The following ARHGAP32 variants were observed in gnomAD, a reference collection of about 807,000 sequenced individuals.
ARHGAP32 encodes rho GTPase-activating protein 32.
ARHGAP32 carries 51 observed loss-of-function variants against 186.5 expected under a neutral mutation model. The ratio of observed to expected loss-of-function variants is 0.27; its 90% confidence interval spans 0.22 to 0.35. ARHGAP32 has a LOEUF of 0.35. Ranked by LOEUF, ARHGAP32 falls within the 10% of genes least tolerant of loss-of-function variation. ARHGAP32 has a pLI of 1.00. For synonymous variants in ARHGAP32, 950 were observed against 964.3 expected (o/e 0.99, Z 0.27); for missense variants, 2,186 against 2,623.5 (o/e 0.83, Z 3.64).
intron 11 of ARHGAP32, among the ~76,000 whole-genome samples, chr11:128,998,709 A>G (rs1946266675): frequency 6.6e-6 from 1 of 152,246 alleles, no homozygotes; most frequent in Non-Finnish European, 1.5e-5. Context: ...GACTGGCTGA[A>G]GCCATGGCAG....
Position 128,969,043 on chromosome 11 carries a change from C to G in ARHGAP32, c.6170G>C (p.Gly2057Ala), listed in dbSNP as rs759183879. The G allele has an allele frequency of 6.2e-7, 1 of 1,612,164 alleles. No homozygotes were observed. The highest frequency in any genetic ancestry group is 1.7e-5 in the Admixed American group (1 of 59,896). ...AGGGGGCACATACGTCCCCATGCCG[C>G]CCCCTCCAAAGACTCCTCGCTGGTG... ...PQHQRGVFGGGGMGTYVPPGF... is the reference protein window; with the variant it reads ...PQHQRGVFGGAGMGTYVPPGF... The change falls in exon 23 of 23, where the codon GGC becomes GCC. Residue 2057 changes from glycine to alanine, a missense_variant. Gly to Ala is a moderately conservative substitution (Grantham distance 60). Transcript: ENST00000682385. The surrounding 1 kb of genome is among the most constrained non-coding windows in gnomAD (Gnocchi z 4.8).
At chr11:129,111,013 A>G (rs1942197735) in intron 5 of ARHGAP32, among the ~76,000 whole-genome samples, 1 of 152,172 alleles carries the variant, frequency 6.6e-6, no homozygotes, top group Non-Finnish European at 1.5e-5. Flanking sequence ...CAGTTCTTAG[A>G]GGAAAGGCTT....
chr11:129,239,833 A>C (rs943370069), intron 1 of ARHGAP32, among the ~76,000 whole-genome samples: 2 of 152,146 alleles, frequency 1.3e-5, no homozygotes, highest in African/African-American at 4.8e-5. Flanking sequence ...TGCCACTCTC[A>C]GTTAAATTTT....
At chr11:129,071,197 G>C (rs1010532039) in intron 6 of ARHGAP32, among the ~76,000 whole-genome samples, 2 of 151,860 alleles carry the variant, frequency 1.3e-5, no homozygotes, top group Middle Eastern at 3.2e-3. Context: ...AGATCTCAAA[G>C]AGAAATTAGT....
At position 129,077,845 on chromosome 11, in the gene ARHGAP32, G is replaced by A. The variant is rs577366672; in HGVS notation, c.532-10977C>T. The stretch of plus-strand genomic sequence containing the variant: ...TACCACAGCTGATGCTCTTCAAAGC[G>A]CCACCGCCTGGCTGGAAGCAAACCA... On this transcript the variant is annotated intron_variant, in intron 6 of 22. Coordinates refer to ENST00000682385, the MANE Select transcript of ARHGAP32 (RefSeq NM_001378024.1). Among the ~76,000 whole-genome samples, 4 of 152,136 alleles carry A rather than the reference G, an allele frequency of 2.6e-5. No individual in the cohort carries two copies. The South Asian group carries it at 8.3e-4, about 32-fold the overall frequency.
At chr11:129,042,814 G>A (rs964919756) in intron 10 of ARHGAP32, among the ~76,000 whole-genome samples, 2 of 152,192 alleles carry the variant, frequency 1.3e-5, no homozygotes, top group African/African-American at 4.8e-5. Context: ...GTGAGTCCCA[G>A]CAATGGAGAC....
chr11:129,000,594 C>T (rs1946329902), intron 11 of ARHGAP32, among the ~76,000 whole-genome samples: 1 of 152,192 alleles, frequency 6.6e-6, no homozygotes, highest in South Asian at 2.1e-4. Flanking sequence ...TCCATCCCAT[C>T]AAGCATTTAT....
At chr11:129,187,607 A>G (rs1302418339) in intron 1 of ARHGAP32, among the ~76,000 whole-genome samples, 6 of 152,218 alleles carry the variant, frequency 3.9e-5, no homozygotes, top group African/African-American at 1.4e-4. Flanking sequence ...CCCATCTTCC[A>G]TGATATGATT....
chr11:128,969,963 CT>C lies in ARHGAP32; in HGVS notation c.5249del (p.Lys1750SerfsTer30). The C allele has an allele frequency of 6.2e-7, 1 of 1,614,216 alleles. No homozygotes were observed. The highest frequency in any genetic ancestry group is 8.5e-7 in the Non-Finnish European group (1 of 1,180,040). ...VVSMPPAADVKHTYTSWDLED... is the reference protein window; with the variant it reads ...VVSMPPAADVXHTYTSWDLED... ...CAAGATCCCATGAGGTGTAGGTGTG[CT>C]TCACATCAGCAGCCGGAGGCATGCT... On this transcript the variant is annotated frameshift_variant, in exon 23 of 23. Coordinates refer to ENST00000682385, the MANE Select transcript of ARHGAP32 (RefSeq NM_001378024.1). LOFTEE classifies it high-confidence loss of function. The surrounding 1 kb of genome is among the most constrained non-coding windows in gnomAD (Gnocchi z 4.8).
rs1945297433 is a variant in ARHGAP32, at chr11:128,969,486, G to C, written c.5727C>G (p.Pro1909=). ...ACTGGCCAGCTCCCTGGGGATAAGG[G>C]GGCCCATTCTTTGACTCACAGAACT... ...HRQFCESKNG[P]PYPQGAGQLD... is the part of the protein sequence containing the mutation. Residue 1909 remains proline (P), a synonymous_variant, in exon 23 of 23, where the codon CCC becomes CCG. Coordinates refer to ENST00000682385, the MANE Select transcript of ARHGAP32 (RefSeq NM_001378024.1). The surrounding 1 kb of genome is among the most constrained non-coding windows in gnomAD (Gnocchi z 4.8). 1 of 1,614,022 alleles carries C rather than the reference G, an allele frequency of 6.2e-7. No homozygotes were observed. Among genetic ancestry groups the C allele is most frequent in the African/African-American group, 1.3e-5 (1 of 74,910 alleles).
intron 5 of ARHGAP32, among the ~76,000 whole-genome samples, chr11:129,094,653 C>T (rs1941679126): frequency 6.6e-6 from 1 of 152,108 alleles, no homozygotes; most frequent in Admixed American, 6.5e-5. Flanking sequence ...AGTTTTTTTG[C>T]CAGTATCTAG....
intron 10 of ARHGAP32, among the ~76,000 whole-genome samples, chr11:129,058,348 G>C (rs1940350908): frequency 6.6e-6 from 1 of 151,640 alleles, no homozygotes; most frequent in African/African-American, 2.4e-5. Flanking sequence ...AATATATGAA[G>C]TACCAGGAAT....
At chr11:129,266,093 A>G (rs946923211) in intron 1 of ARHGAP32, among the ~76,000 whole-genome samples, 1 of 152,204 alleles carries the variant, frequency 6.6e-6, no homozygotes, top group East Asian at 1.9e-4. Context: ...AATTTCCTAC[A>G]AGCCCTAGAT....
In ARHGAP32 at chr11:128,999,991, G is replaced by A. The variant is rs1410909086; in HGVS notation, c.1046-1523C>T. On this transcript the variant is annotated intron_variant, in intron 11 of 22. Transcript: ENST00000682385. ...CAATTTTTAAATTATTTTACTTGATGGTTAGAAATTTTCGTAGCACTTGTA... is the reference window on the plus strand; with the variant it reads ...CAATTTTTAAATTATTTTACTTGATAGTTAGAAATTTTCGTAGCACTTGTA... Among the ~76,000 whole-genome samples the A allele has an allele frequency of 2.6e-5, 4 of 152,246 alleles. No individual in the cohort carries two copies. The South Asian group carries it at 6.2e-4, about 24-fold the overall frequency.
rs745850730 is a variant in ARHGAP32, at chr11:128,970,042, C to A, written c.5171G>T (p.Arg1724Leu). 6.2e-7 allele frequency: 1 copy of A among 1,614,140 alleles called. No homozygotes were observed. The highest frequency in any genetic ancestry group is 1.1e-5 in the South Asian group (1 of 91,078). Residue 1724 changes from arginine (R) to leucine (L), a missense_variant, in exon 23 of 23, where the codon CGT (arginine) becomes CTT (leucine). Coordinates refer to ENST00000682385, the MANE Select transcript of ARHGAP32 (RefSeq NM_001378024.1). This position sits in a 1 kb window ranked among gnomAD's most constrained non-coding sequence, Gnocchi z 5.8. ...ATAGCCAGTCACGTTGGCCCGGGGACGTGGAGCCAAACCAGCATAACTGTA... is the reference window on the plus strand; with the variant it reads ...ATAGCCAGTCACGTTGGCCCGGGGAAGTGGAGCCAAACCAGCATAACTGTA... ...SLYSYAGLAP[R>L]PRANVTGYFS...
intron 11 of ARHGAP32, among the ~76,000 whole-genome samples, chr11:129,027,034 G>A (rs1290986293): frequency 1.3e-5 from 2 of 149,662 alleles, no homozygotes; most frequent in African/African-American, 4.9e-5. Flanking sequence ...GGGAGGCGGA[G>A]CTTGCAGTGA....
At chr11:129,113,635 T>A (rs1353832983) in intron 5 of ARHGAP32, among the ~76,000 whole-genome samples, 2 of 152,086 alleles carry the variant, frequency 1.3e-5, no homozygotes, top group African/African-American at 4.8e-5. Context: ...TCTAAAAAAA[T>A]TTCCAATATA....
chr11:129,099,069 A>G (rs1159046903), intron 5 of ARHGAP32, among the ~76,000 whole-genome samples: 5 of 152,258 alleles, frequency 3.3e-5, no homozygotes, highest in African/African-American at 4.8e-5. Flanking sequence ...GAAAAAAGCT[A>G]TAAGATATAA....
rs1259759558 is a variant in ARHGAP32 at position 129,104,347 on chromosome 11, A to T, written c.445-10640T>A. On this transcript the variant is annotated intron_variant, in intron 5 of 22. Coordinates refer to ENST00000682385, the MANE Select transcript of ARHGAP32 (RefSeq NM_001378024.1). ...AAAAGTTAGAATTATCATCCTGAAC[A>T]ACACTAACATGGAGGAAAGAGTGAT... Among the ~76,000 whole-genome samples, 4 of 152,128 alleles carry T rather than the reference A, an allele frequency of 2.6e-5. No homozygotes were observed. The East Asian group carries it at 7.7e-4, about 29-fold the overall frequency.
Sources: gnomAD v4.1 joint callset for allele counts (sites outside exome capture counted in the v4.1 genomes callset) on GRCh38, gnomAD v4.1.1 for gene constraint, Gnocchi (gnomAD v3.1) non-coding constraint, MANE v1.5 for transcripts, NCBI Gene and HGNC (gene_info 2026-07-23, HGNC 2026-07-21) for gene names.